FAM171A1: variants seen among roughly 807,000 people sequenced by gnomAD.
FAM171A1 encodes protein FAM171A1.
FAM171A1 carries 23 observed loss-of-function variants against 74.9 expected under a neutral mutation model. The ratio of observed to expected loss-of-function variants is 0.31; its 90% CI spans 0.22 to 0.44. FAM171A1 has a LOEUF of 0.44. Ranked by LOEUF, FAM171A1 falls within the 20% of genes least tolerant of loss-of-function variation. The pLI, the probability that FAM171A1 is intolerant of heterozygous loss-of-function variation, is 1.00. For synonymous variants in FAM171A1, 527 were observed against 505.7 expected (o/e 1.04, Z -0.57); for missense variants, 1,162 against 1,159.2 (o/e 1.00, Z -0.03).
intron 1 of FAM171A1, among the ~76,000 whole-genome samples, chr10:15,341,366 T>C (rs1244311748): frequency 2.0e-5 from 3 of 152,222 alleles, no homozygotes; most frequent in Non-Finnish European, 2.9e-5. Context: ...TAGAAGCCGC[T>C]CTCTGTCTAA....
chr10:15,358,213 C>T (rs1225805884), intron 1 of FAM171A1, among the ~76,000 whole-genome samples: 1 of 152,010 alleles, frequency 6.6e-6, no homozygotes, highest in Admixed American at 6.6e-5. Flanking sequence ...TGGGCTCAAG[C>T]GATCCTCCTG....
intron 1 of FAM171A1, among the ~76,000 whole-genome samples, chr10:15,316,347 G>A (rs1487949723): frequency 6.6e-6 from 1 of 152,198 alleles, no homozygotes; most frequent in African/African-American, 2.4e-5. Flanking sequence ...GCAGCGCGTG[G>A]CCTCCTTCCC....
chr10:15,277,102 T>C (rs1348526523), intron 2 of FAM171A1, among the ~76,000 whole-genome samples: 1 of 152,238 alleles, frequency 6.6e-6, no homozygotes, highest in Non-Finnish European at 1.5e-5. Context: ...AAATGCATTA[T>C]AGAATAATAA....
chr10:15,370,755 C>G (rs1224971875), intron 1 of FAM171A1, among the ~76,000 whole-genome samples: 1 of 149,004 alleles, frequency 6.7e-6, no homozygotes, highest in African/African-American at 2.5e-5. Flanking sequence ...AAGCCTCCGC[C>G]CGGGTCACCC....
intron 1 of FAM171A1, among the ~76,000 whole-genome samples, chr10:15,365,819 A>C (rs1033381384): frequency 1.3e-5 from 2 of 151,842 alleles, no homozygotes; most frequent in Non-Finnish European, 2.9e-5. Context: ...AAGAAAGATG[A>C]GCAAATGTTT....
At chr10:15,225,239 G>A (rs928555073) in intron 5 of FAM171A1, among the ~76,000 whole-genome samples, 7 of 152,192 alleles carry the variant, frequency 4.6e-5, no homozygotes, top group African/African-American at 1.7e-4. Flanking sequence ...GAGACCTTCA[G>A]AATGAGTGGA....
chr10:15,261,529 G>A (rs1475387704), intron 3 of FAM171A1, among the ~76,000 whole-genome samples: 3 of 152,186 alleles, frequency 2.0e-5, no homozygotes, highest in South Asian at 2.1e-4. Flanking sequence ...AGGCAGTCAT[G>A]GAAACGGCTT....
At chr10:15,349,573 C>CT (rs1835855013) in intron 1 of FAM171A1, among the ~76,000 whole-genome samples, 1 of 152,160 alleles carries the variant, frequency 6.6e-6, no homozygotes, top group Non-Finnish European at 1.5e-5. Flanking sequence ...ATGAGGACCA[C>CT]TAAAGGGCTT....
intron 5 of FAM171A1, among the ~76,000 whole-genome samples, chr10:15,231,313 C>T (rs1352344467): frequency 6.6e-6 from 1 of 152,054 alleles, no homozygotes; most frequent in Non-Finnish European, 1.5e-5. Flanking sequence ...AAGTGATCTT[C>T]CCACCTCAGC....
chr10:15,264,307 G>A (rs554041299), intron 3 of FAM171A1, among the ~76,000 whole-genome samples: 12 of 152,016 alleles, frequency 7.9e-5, no homozygotes, highest in Admixed American at 2.0e-4. Context: ...AAACAGTGTC[G>A]AAAATAACAT....
At chr10:15,260,410 T>C (rs889593226) in intron 3 of FAM171A1, among the ~76,000 whole-genome samples, 3 of 152,212 alleles carry the variant, frequency 2.0e-5, no homozygotes, top group African/African-American at 7.2e-5. Flanking sequence ...CACCTTATAG[T>C]TGAGTGATTT....
intron 1 of FAM171A1, among the ~76,000 whole-genome samples, chr10:15,350,645 C>T (rs1163211891): frequency 7.1e-6 from 1 of 140,618 alleles, no homozygotes; most frequent in Non-Finnish European, 1.5e-5. Context: ...CCAGCCAATT[C>T]TCTCTTTTTT....
chr10:15,296,760 G>T (rs1351178693), intron 1 of FAM171A1, among the ~76,000 whole-genome samples: 1 of 152,288 alleles, frequency 6.6e-6, no homozygotes, highest in African/African-American at 2.4e-5. Context: ...TTTGAAACAT[G>T]TTCCTTAGAT....
chr10:15,271,436 T>C (rs919019604), intron 3 of FAM171A1, among the ~76,000 whole-genome samples: 1 of 152,072 alleles, frequency 6.6e-6, no homozygotes, highest in African/African-American at 2.4e-5. Flanking sequence ...ACGGGGAGAA[T>C]GGAACCAAGT....
At chr10:15,325,056 GGCT>G (rs1835534540) in intron 1 of FAM171A1, among the ~76,000 whole-genome samples, 1 of 152,198 alleles carries the variant, frequency 6.6e-6, no homozygotes, top group Admixed American at 6.5e-5. Context: ...GGAATAAACT[GGCT>G]AATAATGAGA....
intron 5 of FAM171A1, among the ~76,000 whole-genome samples, chr10:15,245,319 G>A (rs1306462980): frequency 3.9e-5 from 6 of 152,110 alleles, no homozygotes. Context: ...TGCCTGTCTT[G>A]GCCTCCCAAA....
At chr10:15,363,689 C>T (rs1230544840) in intron 1 of FAM171A1, among the ~76,000 whole-genome samples, 1 of 152,170 alleles carries the variant, frequency 6.6e-6, no homozygotes, top group African/African-American at 2.4e-5. Flanking sequence ...TCCCATATGA[C>T]TCCACCAAGC....
At chr10:15,321,897 T>C (rs1835491188) in intron 1 of FAM171A1, among the ~76,000 whole-genome samples, 1 of 152,228 alleles carries the variant, frequency 6.6e-6, no homozygotes, top group Admixed American at 6.5e-5. Context: ...CACACAGCAC[T>C]GGTTTTTATC....
intron 5 of FAM171A1, 105 bp from the exon 6 acceptor site, chr10:15,221,165 T>C (rs1262017135): frequency 1.0e-6 from 1 of 991,158 alleles, no homozygotes; most frequent in Non-Finnish European, 1.5e-6. Context: ...GTCATGTTTA[T>C]GACCTATAAG....
Sources: gnomAD v4.1 joint callset for allele counts (sites outside exome capture counted in the v4.1 genomes callset) on GRCh38, gnomAD v4.1.1 for gene constraint, MANE v1.5 for transcripts, NCBI Gene and HGNC (gene_info 2026-07-23, HGNC 2026-07-21) for gene names.